HS3ST5: variants seen among roughly 807,000 people sequenced by gnomAD.
The protein encoded by HS3ST5 is heparan sulfate glucosamine 3-O-sulfotransferase 5.
HS3ST5 carries 10 observed loss-of-function variants against 25.4 expected under a neutral mutation model. The ratio of observed to expected loss-of-function variants is 0.39; its 90% CI spans 0.24 to 0.67. The LOEUF (loss-of-function observed/expected upper bound fraction) is 0.67, where lower values mean the gene tolerates loss of function less well. HS3ST5 is among the 30% of genes least tolerant of loss of function. The pLI, the probability that HS3ST5 is intolerant of heterozygous loss-of-function variation, is 0.44. For synonymous variants in HS3ST5, 170 were observed against 162.4 expected (o/e 1.05, Z -0.36); for missense variants, 324 against 420.7 (o/e 0.77, Z 2.01).
intron 1 of HS3ST5, among the ~76,000 whole-genome samples, chr6:114,285,556 A>T (rs1774302438): frequency 6.6e-6 from 1 of 152,048 alleles, no homozygotes. Context: ...ACATTGTGCT[A>T]AGTGAAATTA....
intron 3 of HS3ST5, among the ~76,000 whole-genome samples, chr6:114,149,469 A>G: frequency 6.6e-6 from 1 of 152,158 alleles, no homozygotes; most frequent in Middle Eastern, 3.2e-3. Flanking sequence ...TTTTCAGCAA[A>G]CTAACACAGG....
At chr6:114,139,105 G>T (rs1777776612) in intron 3 of HS3ST5, among the ~76,000 whole-genome samples, 2 of 152,168 alleles carry the variant, frequency 1.3e-5, no homozygotes, top group Non-Finnish European at 1.5e-5. Context: ...GCACCATTCA[G>T]TCCCACAGGA....
chr6:114,341,672 A>G lies in HS3ST5; in HGVS notation c.-339+523T>C, dbSNP rs563134132. 2.0e-5 allele frequency among the ~76,000 whole-genome samples: 3 copies of G among 151,616 alleles called. No individual in the cohort carries two copies. In the East Asian group the frequency reaches 5.9e-4, roughly 30 times the overall value. On this transcript the variant is annotated intron_variant, in intron 1 of 4. Transcript: ENST00000312719. Reference sequence around the variant, plus strand: ...GGGGTGTGGGGGGGGCCAGCTGGGAAGAGAAAACCCCACCCACATGTTAAC... The same window carrying G: ...GGGGTGTGGGGGGGGCCAGCTGGGAGGAGAAAACCCCACCCACATGTTAAC...
At chr6:114,167,457 C>T (rs944438508) in intron 3 of HS3ST5, 21 of 152,162 alleles carry the variant, frequency 1.4e-4, no homozygotes, top group Admixed American at 1.4e-3. Flanking sequence ...TTAATCACAA[C>T]AACTCAATGA....
intron 2 of HS3ST5, among the ~76,000 whole-genome samples, chr6:114,183,905 G>A (rs1780079906): frequency 6.6e-6 from 1 of 152,104 alleles, no homozygotes; most frequent in Non-Finnish European, 1.5e-5. Context: ...TTAAACAATG[G>A]AAAATAAGTG....
chr6:114,287,657 G>A (rs1054095032), intron 1 of HS3ST5, among the ~76,000 whole-genome samples: 1 of 151,888 alleles, frequency 6.6e-6, no homozygotes, highest in African/African-American at 2.4e-5. Context: ...TTTCTGGCAC[G>A]GGATGATTCA....
At chr6:114,336,445 T>C (rs1206222437) in intron 1 of HS3ST5, among the ~76,000 whole-genome samples, 1 of 152,094 alleles carries the variant, frequency 6.6e-6, no homozygotes, top group Non-Finnish European at 1.5e-5. Flanking sequence ...CTGTCTCTAC[T>C]AAAAATACAA....
At chr6:114,298,908 C>T (rs553156831) in intron 1 of HS3ST5, among the ~76,000 whole-genome samples, 159 of 152,170 alleles carry the variant, frequency 1.0e-3, no homozygotes, top group African/African-American at 3.3e-3. Context: ...GTGATGATTG[C>T]GTTAACTGCA....
At chr6:114,331,371 T>C (rs996857706) in intron 1 of HS3ST5, among the ~76,000 whole-genome samples, 3 of 152,186 alleles carry the variant, frequency 2.0e-5, no homozygotes, top group Non-Finnish European at 4.4e-5. Flanking sequence ...AGATTTTCTC[T>C]CACTTTAAGA....
chr6:114,332,124 T>C (rs1776422745), intron 1 of HS3ST5, among the ~76,000 whole-genome samples: 1 of 152,168 alleles, frequency 6.6e-6, no homozygotes, highest in Non-Finnish European at 1.5e-5. Flanking sequence ...TAGACTATTA[T>C]TACAGAAATG....
At position 114,342,420 on chromosome 6, in the gene HS3ST5, AGGCGGC is replaced by A. The variant is rs527646640; in HGVS notation, c.-570_-565del. The A allele has an allele frequency of 1.0e-2, 1,913 of 191,398 alleles. 47 individuals carry two copies. The highest frequency in any genetic ancestry group is 0.044 in the African/African-American group (1,806 of 41,290). The allele number at this position is 191,398 out of a possible 1,614,324, so 11.9% of individuals were successfully genotyped here. ...TAAGACGCGAGCGGGCCCCACACGCAGGCGGCGGCGGCGGCGGCGGCGGCGGCGAGG... is the reference window on the plus strand; with the variant it reads ...TAAGACGCGAGCGGGCCCCACACGCAGGCGGCGGCGGCGGCGGCGGCGAGG... On this transcript the variant is annotated 5_prime_UTR_variant, in exon 1 of 5. Coordinates refer to ENST00000312719, the MANE Select transcript of HS3ST5 (RefSeq NM_153612.4).
chr6:114,140,647 G>A (rs886919670), intron 3 of HS3ST5, among the ~76,000 whole-genome samples: 5 of 152,196 alleles, frequency 3.3e-5, no homozygotes, highest in Admixed American at 6.5e-5. Flanking sequence ...TTAGTGTCAT[G>A]TTCAGATCTG....
chr6:114,156,756 C>T (rs2114972960), intron 3 of HS3ST5, among the ~76,000 whole-genome samples: 1 of 152,082 alleles, frequency 6.6e-6, no homozygotes, highest in African/African-American at 2.4e-5. Flanking sequence ...CAGTGGTCAT[C>T]ATGATAACCC....
chr6:114,144,936 A>G (rs570907787), intron 3 of HS3ST5, among the ~76,000 whole-genome samples: 32 of 152,216 alleles, frequency 2.1e-4, no homozygotes, highest in Non-Finnish European at 4.1e-4. Flanking sequence ...GGACCTGAAC[A>G]GTGGGAGCCT....
intron 1 of HS3ST5, among the ~76,000 whole-genome samples, chr6:114,306,693 T>C (rs1775313357): frequency 6.6e-6 from 1 of 152,152 alleles, no homozygotes; most frequent in African/African-American, 2.4e-5. Context: ...TAGCTATATG[T>C]GAAAGATACT....
intron 3 of HS3ST5, among the ~76,000 whole-genome samples, chr6:114,115,700 G>A (rs1425938873): frequency 6.6e-6 from 1 of 152,088 alleles, no homozygotes; most frequent in Non-Finnish European, 1.5e-5. Context: ...ACTATTTGAA[G>A]GAAGTTCTCT....
intron 3 of HS3ST5, among the ~76,000 whole-genome samples, chr6:114,106,311 A>T (rs951531000): frequency 3.9e-5 from 6 of 152,110 alleles, no homozygotes; most frequent in Non-Finnish European, 7.4e-5. Context: ...AAATACTGTC[A>T]CTTAGGAAAA....
intron 1 of HS3ST5, among the ~76,000 whole-genome samples, chr6:114,256,024 T>G (rs2114645570): frequency 6.6e-6 from 1 of 152,340 alleles, no homozygotes; most frequent in East Asian, 1.9e-4. Context: ...ATCGTCAGGC[T>G]GCAATTTTTC....
intron 1 of HS3ST5, among the ~76,000 whole-genome samples, chr6:114,230,951 T>A (rs1562246285): frequency 6.6e-6 from 1 of 152,070 alleles, no homozygotes; most frequent in Non-Finnish European, 1.5e-5. Context: ...AACAAAGAGC[T>A]CTCTTTGTCT....
Sources: gnomAD v4.1 joint callset for allele counts (sites outside exome capture counted in the v4.1 genomes callset) on GRCh38, gnomAD v4.1.1 for gene constraint, MANE v1.5 for transcripts, NCBI Gene and HGNC (gene_info 2026-07-23, HGNC 2026-07-21) for gene names.